Variants in SLC24A5 observed in about 807,000 individuals in gnomAD.
SLC24A5 encodes sodium/potassium/calcium exchanger 5.
In SLC24A5, 46 loss-of-function variants were observed where a neutral mutation model predicts 51.6. That is an observed-to-expected ratio of 0.89 (90% confidence interval 0.70 to 1.14). The LOEUF (loss-of-function observed/expected upper bound fraction) is 1.14, where lower values mean the gene tolerates loss of function less well. Among genes scored for constraint, SLC24A5 ranks in the 50% most tolerant of loss-of-function variants. The probability of loss-of-function intolerance (pLI) is 0.00; values close to 1 mark genes in which losing one functional copy is unlikely to be tolerated. For missense variants in SLC24A5, 581 were observed against 604.1 expected (o/e 0.96, Z 0.40); for synonymous variants, 230 against 214.9 (o/e 1.07, Z -0.62).
At position 48,139,044 on chromosome 15, in the gene SLC24A5, C is replaced by A; in HGVS notation, c.947C>A (p.Thr316Lys). ...TGGGTATTATCCCTTCCTATTATTA[C>A]ATTACTTTTTCTAACCACACCAGAT... ...IFWVLSLPII[T>K]LLFLTTPDCR... The change falls in exon 7 of 9, where the codon ACA becomes AAA. Residue 316 changes from threonine to lysine, a missense_variant. Physicochemically the swap from Thr to Lys is moderately conservative, Grantham distance 78. Transcript: ENST00000341459. 1 of 1,613,024 alleles carries A rather than the reference C, an allele frequency of 6.2e-7. No individual in the cohort carries two copies. Among genetic ancestry groups the A allele is most frequent in the Non-Finnish European group, 8.5e-7 (1 of 1,179,260 alleles).
At position 48,142,377 on chromosome 15, in the gene SLC24A5, A is replaced by G; in HGVS notation, c.*26A>G. The G allele has an allele frequency of 7.0e-7, 1 of 1,429,102 alleles. No homozygotes were observed. Among genetic ancestry groups the G allele is most frequent in the Non-Finnish European group, 9.5e-7 (1 of 1,057,270 alleles). 88.5% of individuals were successfully genotyped at this position (1,429,102 alleles called of 1,614,324 possible). ...TATTATTAATAGTGTTATGCAGAAAATATGAATGGCAGGGAGGGGCAGAGA... is the reference window on the plus strand; with the variant it reads ...TATTATTAATAGTGTTATGCAGAAAGTATGAATGGCAGGGAGGGGCAGAGA... On this transcript the variant is annotated 3_prime_UTR_variant, in exon 9 of 9. Coordinates refer to ENST00000341459, the MANE Select transcript of SLC24A5 (RefSeq NM_205850.3).
At chr15:48,129,802 T>C (rs977196084) in intron 2 of SLC24A5, among the ~76,000 whole-genome samples, 6 of 151,942 alleles carry the variant, frequency 3.9e-5, no homozygotes, top group Non-Finnish European at 7.4e-5. Context: ...ATTCTATAAC[T>C]TTGAGTAAAG....
intron 2 of SLC24A5, among the ~76,000 whole-genome samples, chr15:48,127,277 CA>C (rs1268413607): frequency 1.3e-5 from 2 of 152,288 alleles, no homozygotes; most frequent in Admixed American, 1.3e-4. Flanking sequence ...TACATAAGAA[CA>C]GACTACAGAG....
Position 48,134,883 on chromosome 15 carries a change from G to A in SLC24A5, c.490-1G>A. The stretch of plus-strand genomic sequence containing the variant: ...GGAAATAATAACTTACCATATTACA[G>A]GTCTCAACACTATCATGTTGGCCCC... On this transcript the variant is annotated splice_acceptor_variant, in intron 4 of 8. Coordinates refer to ENST00000341459, the MANE Select transcript of SLC24A5 (RefSeq NM_205850.3). LOFTEE classifies it high-confidence loss of function. 7 of 1,604,758 alleles carry A rather than the reference G, an allele frequency of 4.4e-6. No homozygotes were observed. The highest frequency in any genetic ancestry group is 6.0e-6 in the Non-Finnish European group (7 of 1,173,762).
intron 2 of SLC24A5, among the ~76,000 whole-genome samples, chr15:48,130,000 C>A (rs2038772913): frequency 6.6e-6 from 1 of 151,920 alleles, no homozygotes; most frequent in African/African-American, 2.4e-5. Flanking sequence ...TTTTCAAAAA[C>A]CATTATAAAC....
At chr15:48,124,139 A>C (rs1489571211) in intron 2 of SLC24A5, 1 of 152,014 alleles carries the variant, frequency 6.6e-6, no homozygotes, top group Non-Finnish European at 1.5e-5. Flanking sequence ...ATTTTAAGTA[A>C]ATTTGTAAAT....
At chr15:48,127,388 G>C (rs1212732517) in intron 2 of SLC24A5, among the ~76,000 whole-genome samples, 1 of 152,184 alleles carries the variant, frequency 6.6e-6, no homozygotes, top group East Asian at 1.9e-4. Flanking sequence ...CGGTGCATCT[G>C]CTAGAACTTG....
rs550680151 is a variant in SLC24A5, at chr15:48,131,589, C to A, written c.302-2669C>A. On this transcript the variant is annotated intron_variant, in intron 2 of 8. Coordinates refer to ENST00000341459, the MANE Select transcript of SLC24A5 (RefSeq NM_205850.3). ...ACACCAGTTCCCCCTCTATCTTCCACCATGAGTGGAAGCAGCCTGAGGCTC... is the reference window on the plus strand; with the variant it reads ...ACACCAGTTCCCCCTCTATCTTCCAACATGAGTGGAAGCAGCCTGAGGCTC... Among the ~76,000 whole-genome samples, 3 of 152,184 alleles carry A rather than the reference C, an allele frequency of 2.0e-5. No individual in the cohort carries two copies. The East Asian group carries it at 5.8e-4, about 29-fold the overall frequency.
intron 2 of SLC24A5, among the ~76,000 whole-genome samples, chr15:48,132,026 T>G (rs540541038): frequency 1.3e-5 from 2 of 152,238 alleles, no homozygotes; most frequent in African/African-American, 4.8e-5. Context: ...TCCCACATCT[T>G]TCAAAATGAA....
At chr15:48,126,868 A>G (rs2038737418) in intron 2 of SLC24A5, among the ~76,000 whole-genome samples, 1 of 152,150 alleles carries the variant, frequency 6.6e-6, no homozygotes, top group Non-Finnish European at 1.5e-5. Context: ...TTGTAGTCCT[A>G]TCTGGTATTG....
intron 2 of SLC24A5, among the ~76,000 whole-genome samples, chr15:48,127,401 C>T (rs1191643373): frequency 5.3e-5 from 8 of 152,158 alleles, no homozygotes; most frequent in African/African-American, 1.7e-4. Flanking sequence ...AGAACTTGAA[C>T]ACCAAATTTA....
intron 2 of SLC24A5, among the ~76,000 whole-genome samples, chr15:48,126,328 C>A (rs1293087044): frequency 1.3e-5 from 2 of 152,164 alleles, no homozygotes; most frequent in African/African-American, 4.8e-5. Flanking sequence ...TGCTATGCCC[C>A]CTTCCTGTAA....
intron 2 of SLC24A5, among the ~76,000 whole-genome samples, chr15:48,126,020 G>A (rs1306936405): frequency 6.6e-6 from 1 of 152,186 alleles, no homozygotes; most frequent in Non-Finnish European, 1.5e-5. Flanking sequence ...AGCTGGAAGT[G>A]GAAGAGGGCA....
At chr15:48,124,623 C>A (rs955149460) in intron 2 of SLC24A5, 1 of 151,832 alleles carries the variant, frequency 6.6e-6, no homozygotes, top group Non-Finnish European at 1.5e-5. Flanking sequence ...AATAAAAAAC[C>A]TTTCTAGCCC....
chr15:48,134,968 G>A lies in SLC24A5; in HGVS notation c.574G>A (p.Asp192Asn), dbSNP rs2038860783. Residue 192 changes from aspartate to asparagine, a missense_variant, in exon 5 of 9, where the codon GAC (aspartate) becomes AAC (asparagine). Asp to Asn is a conservative substitution (Grantham distance 23). Coordinates refer to ENST00000341459, the MANE Select transcript of SLC24A5 (RefSeq NM_205850.3). ...SAAAVLGIIY[D>N]NQVYWYEGAL... The stretch of plus-strand genomic sequence containing the variant: ...AGCAGCAGTTCTTGGTATAATATAT[G>A]ACAACCAAGTTTACTGGTAAGCTTG... 3 of 1,608,402 alleles carry A rather than the reference G, an allele frequency of 1.9e-6. No individual in the cohort carries two copies. The highest frequency in any genetic ancestry group is 2.6e-6 in the Non-Finnish European group (3 of 1,175,782).
At chr15:48,121,313 C>A in intron 1 of SLC24A5, 148 bp downstream of exon 1, 1 of 846,224 alleles carries the variant, frequency 1.2e-6, no homozygotes, top group Non-Finnish European at 1.7e-6. Context: ...AGATATCAAA[C>A]ACTTTTGATC....
At chr15:48,134,723 GTC>G in intron 4 of SLC24A5, 159 bp from the exon 5 acceptor site, 1 of 727,648 alleles carries the variant, frequency 1.4e-6, no homozygotes, top group Non-Finnish European at 2.2e-6. Context: ...ATTTATGAAA[GTC>G]TGTGTAAGTT....
intron 2 of SLC24A5, among the ~76,000 whole-genome samples, chr15:48,129,739 G>T (rs997350345): frequency 2.0e-5 from 3 of 151,370 alleles, no homozygotes; most frequent in Non-Finnish European, 4.4e-5. Flanking sequence ...TATTATAAAA[G>T]AAATTTAATT....
At chr15:48,135,820 T>G (rs2038884288) in intron 5 of SLC24A5, 1 of 152,160 alleles carries the variant, frequency 6.6e-6, no homozygotes, top group Admixed American at 6.6e-5. Flanking sequence ...ATTTCTAAAC[T>G]AATCATCCTG....
Sources: allele counts gnomAD v4.1 joint callset (sites outside exome capture counted in the v4.1 genomes callset), GRCh38; gene constraint gnomAD v4.1.1; transcripts MANE v1.5; gene names NCBI Gene and HGNC (gene_info 2026-07-23, HGNC 2026-07-21).